Variants in CPA6 observed in about 807,000 individuals in gnomAD.
The protein encoded by CPA6 is carboxypeptidase B.
A neutral mutation model predicts 63.3 loss-of-function variants in CPA6; 58 were observed. That is an observed-to-expected ratio of 0.92 (90% CI 0.74 to 1.14). CPA6 has a LOEUF of 1.14. Among genes scored for constraint, CPA6 ranks in the 50% most tolerant of loss-of-function variants. The probability of loss-of-function intolerance (pLI) is 0.00; values close to 1 mark genes in which losing one functional copy is unlikely to be tolerated. For synonymous variants in CPA6, 185 were observed against 179.0 expected (o/e 1.03, Z -0.27); for missense variants, 565 against 526.6 (o/e 1.07, Z -0.71).
intron 2 of CPA6, among the ~76,000 whole-genome samples, chr8:67,594,593 C>CT (rs1450242166): frequency 6.6e-6 from 1 of 152,072 alleles, no homozygotes; most frequent in African/African-American, 2.4e-5. Flanking sequence ...TCTTTTTATT[C>CT]TTTTTTCTCT....
intron 8 of CPA6, among the ~76,000 whole-genome samples, chr8:67,476,061 T>C (rs920531422): frequency 4.6e-5 from 7 of 150,752 alleles, no homozygotes; most frequent in African/African-American, 1.7e-4. Context: ...GTTGCTGAGG[T>C]TGGAGTGCAG....
chr8:67,481,117 T>C (rs1463710320), intron 8 of CPA6, among the ~76,000 whole-genome samples: 1 of 152,232 alleles, frequency 6.6e-6, no homozygotes, highest in Non-Finnish European at 1.5e-5. Flanking sequence ...TTTTTCTAAA[T>C]AGTAATTTGT....
chr8:67,566,606 A>G (rs182556597), intron 2 of CPA6, among the ~76,000 whole-genome samples: 137 of 152,280 alleles, frequency 9.0e-4, no homozygotes, highest in African/African-American at 3.1e-3. Flanking sequence ...TCCATTCCCT[A>G]TTAGTCTTCA....
At chr8:67,740,452 T>C (rs1817890498) in intron 1 of CPA6, among the ~76,000 whole-genome samples, 3 of 152,206 alleles carry the variant, frequency 2.0e-5, no homozygotes, top group Admixed American at 2.0e-4. Flanking sequence ...AAAACTAGTA[T>C]TATGTCTCTG....
intron 1 of CPA6, among the ~76,000 whole-genome samples, chr8:67,671,452 G>C (rs1007282518): frequency 6.6e-6 from 1 of 152,202 alleles, no homozygotes; most frequent in Non-Finnish European, 1.5e-5. Context: ...GTTCATTGGT[G>C]ATGCTAATGG....
chr8:67,664,914 A>T (rs1816194591), intron 1 of CPA6, among the ~76,000 whole-genome samples: 1 of 152,204 alleles, frequency 6.6e-6, no homozygotes, highest in African/African-American at 2.4e-5. Context: ...AAGGAAGCTT[A>T]TACTCAGAGA....
At position 67,624,190 on chromosome 8, in the gene CPA6, A is replaced by G. The variant is rs760649456; in HGVS notation, c.178T>C (p.Ser60Pro). The G allele has an allele frequency of 1.3e-6, 2 of 1,547,596 alleles. No individual in the cohort carries two copies. Among genetic ancestry groups the G allele is most frequent in the Non-Finnish European group, 1.8e-6 (2 of 1,121,258 alleles). ...EEEAYALKKI[S>P]YQLKVDLWQP... The stretch of plus-strand genomic sequence containing the variant: ...TGTTCTATTACCTTAAGTTGATAGG[A>G]TATTTTCTTCAGTGCATATGCTTCC... Residue 60 changes from serine (S) to proline (P), a missense_variant, in exon 2 of 11, where the codon TCC becomes CCC. Transcript: ENST00000297770.
intron 1 of CPA6, among the ~76,000 whole-genome samples, chr8:67,642,655 A>AG (rs2128990140): frequency 6.6e-6 from 1 of 152,314 alleles, no homozygotes; most frequent in South Asian, 2.1e-4. Flanking sequence ...TATCAGAAGC[A>AG]GATCCTTATG....
Position 67,633,911 on chromosome 8 carries a change from T to TG in CPA6, c.117-9661_117-9660insC, listed in dbSNP as rs1815403406. Reference sequence around the variant, plus strand: ...CCCCCCAAATGTTTTCCTCCTTCTTTCTCCATGTTTCGTTAAAATCATCTG... The same window carrying TG: ...CCCCCCAAATGTTTTCCTCCTTCTTTGCTCCATGTTTCGTTAAAATCATCTG... On this transcript the variant is annotated intron_variant, in intron 1 of 10. Coordinates refer to ENST00000297770, the MANE Select transcript of CPA6 (RefSeq NM_020361.5). Among the ~76,000 whole-genome samples, 3 of 151,422 alleles carry TG rather than the reference T, an allele frequency of 2.0e-5. No homozygotes were observed. The South Asian group carries it at 6.2e-4, about 32-fold the overall frequency.
At chr8:67,655,074 A>G (rs1351622189) in intron 1 of CPA6, among the ~76,000 whole-genome samples, 1 of 152,192 alleles carries the variant, frequency 6.6e-6, no homozygotes, top group Admixed American at 6.6e-5. Context: ...AAAGAGAATT[A>G]TTTAATCTCT....
chr8:67,436,372 T>A (rs1378971951), intron 8 of CPA6, among the ~76,000 whole-genome samples: 2 of 144,968 alleles, frequency 1.4e-5, no homozygotes, highest in Admixed American at 1.3e-4. Flanking sequence ...CTGTTTGGGT[T>A]TTTGTTGTTG....
At chr8:67,447,001 CAT>C (rs770883357) in intron 8 of CPA6, among the ~76,000 whole-genome samples, 9 of 143,694 alleles carry the variant, frequency 6.3e-5, no homozygotes, top group Non-Finnish European at 7.6e-5. Context: ...ATTACACATT[CAT>C]ATATATATAT....
At chr8:67,524,117 T>C (rs535793524) in intron 2 of CPA6, among the ~76,000 whole-genome samples, 1 of 152,350 alleles carries the variant, frequency 6.6e-6, no homozygotes, top group South Asian at 2.1e-4. Context: ...AAAATTCTTT[T>C]TGGGCTGCAC....
At chr8:67,617,358 T>C (rs1814980721) in intron 2 of CPA6, among the ~76,000 whole-genome samples, 1 of 152,194 alleles carries the variant, frequency 6.6e-6, no homozygotes, top group Non-Finnish European at 1.5e-5. Flanking sequence ...ATTACTGAAA[T>C]TTAACCCATG....
intron 2 of CPA6, among the ~76,000 whole-genome samples, chr8:67,553,420 T>C (rs1481684668): frequency 6.6e-6 from 1 of 152,170 alleles, no homozygotes; most frequent in East Asian, 1.9e-4. Flanking sequence ...AGTAATGATA[T>C]TATAAGTTCT....
intron 6 of CPA6, among the ~76,000 whole-genome samples, chr8:67,495,119 A>G (rs1390295141): frequency 6.6e-6 from 1 of 152,038 alleles, no homozygotes. Context: ...TAAATTAATC[A>G]TTTCACCAGC....
At chr8:67,679,112 G>A (rs1044362039) in intron 1 of CPA6, among the ~76,000 whole-genome samples, 1 of 152,120 alleles carries the variant, frequency 6.6e-6, no homozygotes, top group Non-Finnish European at 1.5e-5. Flanking sequence ...AATGTTCTGT[G>A]GTTTGGTTAT....
At chr8:67,450,944 G>A (rs1024866920) in intron 8 of CPA6, among the ~76,000 whole-genome samples, 1 of 152,174 alleles carries the variant, frequency 6.6e-6, no homozygotes, top group African/African-American at 2.4e-5. Flanking sequence ...AAAAGTGATA[G>A]CACTTATGTT....
At chr8:67,644,743 C>T (rs1385895485) in intron 1 of CPA6, among the ~76,000 whole-genome samples, 2 of 152,108 alleles carry the variant, frequency 1.3e-5, no homozygotes, top group South Asian at 2.1e-4. Flanking sequence ...AGGAGCAATA[C>T]CACATGGCCC....
Sources: gnomAD v4.1 joint callset for allele counts (sites outside exome capture counted in the v4.1 genomes callset) on GRCh38, gnomAD v4.1.1 for gene constraint, MANE v1.5 for transcripts, NCBI Gene and HGNC (gene_info 2026-07-23, HGNC 2026-07-21) for gene names.